The following FBP2 variants were observed in gnomAD, a reference collection of about 807,000 sequenced individuals.
FBP2 encodes the protein fructose-1,6-bisphosphatase isozyme 2.
Under a neutral mutation model 31.6 loss-of-function variants are expected in FBP2, and 27 were observed. The observed-to-expected ratio is 0.85, with a 90% CI of 0.63 to 1.18. The LOEUF is 1.18. FBP2 is among the 50% of genes most tolerant of loss of function. The pLI is 0.00. For missense variants in FBP2, 421 were observed against 436.1 expected (o/e 0.97, Z 0.31); for synonymous variants, 168 against 179.8 (o/e 0.93, Z 0.53).
At chr9:94,586,192 T>A (rs1015620623) in intron 2 of FBP2, among the ~76,000 whole-genome samples, 8 of 151,994 alleles carry the variant, frequency 5.3e-5, no homozygotes, top group Admixed American at 2.0e-4. Flanking sequence ...CTGGCCAACA[T>A]GGCGAAACCC....
chr9:94,564,288 A>G (rs1213031905), intron 5 of FBP2, among the ~76,000 whole-genome samples: 5 of 152,160 alleles, frequency 3.3e-5, no homozygotes, highest in Non-Finnish European at 7.4e-5. Flanking sequence ...CCACTCTCCA[A>G]CCACGGCCAT....
chr9:94,576,942 A>T (rs1288130273), intron 3 of FBP2, among the ~76,000 whole-genome samples: 1 of 151,598 alleles, frequency 6.6e-6, no homozygotes, highest in Admixed American at 6.6e-5. Flanking sequence ...TTGGGACTCT[A>T]CTCAGCCCTC....
chr9:94,592,612 G>A (rs963937433), intron 1 of FBP2, among the ~76,000 whole-genome samples: 2 of 152,152 alleles, frequency 1.3e-5, no homozygotes, highest in African/African-American at 2.4e-5. Context: ...TCGACTCACC[G>A]CAACCTCCAT....
chr9:94,564,842 A>G (rs985358612), intron 5 of FBP2, among the ~76,000 whole-genome samples: 1 of 152,220 alleles, frequency 6.6e-6, no homozygotes. Flanking sequence ...TTACACCTGC[A>G]TCATAGGAAT....
At chr9:94,570,802 C>CCA (rs1827260443) in intron 4 of FBP2, 1 of 152,206 alleles carries the variant, frequency 6.6e-6, no homozygotes, top group Non-Finnish European at 1.5e-5. Context: ...ACCCCTCTCT[C>CCA]CACACATGTG....
chr9:94,576,261 C>A (rs1381074091), intron 3 of FBP2, among the ~76,000 whole-genome samples: 5 of 152,220 alleles, frequency 3.3e-5, no homozygotes. Flanking sequence ...AAGTTTTCCT[C>A]TTTTAAACCC....
chr9:94,568,655 G>A (rs1295037377), intron 4 of FBP2: 2 of 152,198 alleles, frequency 1.3e-5, no homozygotes, highest in African/African-American at 4.8e-5. Context: ...ACTCCACATA[G>A]CAGAGGTGTT....
intron 6 of FBP2, among the ~76,000 whole-genome samples, chr9:94,560,176 C>T (rs913058594): frequency 1.3e-5 from 2 of 152,092 alleles, no homozygotes; most frequent in African/African-American, 4.8e-5. Flanking sequence ...ACGAGGGGTC[C>T]CAGCCGAGGG....
chr9:94,587,763 G>A (rs1471833084), intron 1 of FBP2, among the ~76,000 whole-genome samples: 2 of 152,136 alleles, frequency 1.3e-5, no homozygotes, highest in Non-Finnish European at 2.9e-5. Context: ...GCAGATGGGG[G>A]GACTCATCAA....
intron 6 of FBP2, among the ~76,000 whole-genome samples, chr9:94,561,140 A>T (rs921209096): frequency 2.6e-5 from 4 of 152,168 alleles, no homozygotes; most frequent in Non-Finnish European, 5.9e-5. Context: ...GATTTGGGGT[A>T]TCAGATAATA....
chr9:94,569,525 A>G (rs1320694596), intron 4 of FBP2: 1 of 152,284 alleles, frequency 6.6e-6, no homozygotes, highest in East Asian at 1.9e-4. Flanking sequence ...CCTTACGTTG[A>G]TCCACTCCTG....
chr9:94,560,828 G>T (rs563588229), intron 6 of FBP2, among the ~76,000 whole-genome samples: 2 of 150,514 alleles, frequency 1.3e-5, no homozygotes, highest in Non-Finnish European at 3.0e-5. Context: ...TGATGCCTTT[G>T]GTCTAGGCTG....
chr9:94,591,466 C>G (rs889495533), intron 1 of FBP2, among the ~76,000 whole-genome samples: 1 of 151,750 alleles, frequency 6.6e-6, no homozygotes, highest in African/African-American at 2.4e-5. Context: ...CACGCCCACC[C>G]GGAACTCCAG....
chr9:94,573,772 G>T (rs1827291650), intron 3 of FBP2, among the ~76,000 whole-genome samples: 5 of 152,124 alleles, frequency 3.3e-5, no homozygotes, highest in Admixed American at 3.3e-4. Context: ...AAGGAATATT[G>T]GTCTGTGGTA....
At chr9:94,571,730 G>A in intron 3 of FBP2, 128 bp from the exon 4 acceptor site, 1 of 830,674 alleles carries the variant, frequency 1.2e-6, no homozygotes. Context: ...TTAAGCTGCT[G>A]CAAATCCATC....
chr9:94,582,351 C>T (rs62578750), intron 3 of FBP2, among the ~76,000 whole-genome samples: 94 of 147,850 alleles, frequency 6.4e-4, no homozygotes, highest in Middle Eastern at 3.4e-3. Flanking sequence ...TGTGTGTGTG[C>T]GTGTGTGTGT....
intron 3 of FBP2, 118 bp downstream of exon 3, chr9:94,584,459 G>A (rs1827404429): frequency 4.4e-6 from 3 of 680,154 alleles, no homozygotes; most frequent in Non-Finnish European, 8.0e-6. Context: ...TGCCTACAGT[G>A]GCTTTTCTCG....
chr9:94,572,468 C>T (rs1324020022), intron 3 of FBP2, among the ~76,000 whole-genome samples: 8 of 152,146 alleles, frequency 5.3e-5, no homozygotes, highest in African/African-American at 1.4e-4. Context: ...TTTGTAAACC[C>T]GAATGTTCTT....
chr9:94,559,517 G>C (rs1189939827), intron 6 of FBP2, among the ~76,000 whole-genome samples: 1 of 149,634 alleles, frequency 6.7e-6, no homozygotes, highest in East Asian at 1.9e-4. Flanking sequence ...CCTCAAGGCT[G>C]GTAAAGAGTC....
Sources: gnomAD v4.1 joint callset for allele counts (sites outside exome capture counted in the v4.1 genomes callset) on GRCh38, gnomAD v4.1.1 for gene constraint, MANE v1.5 for transcripts, NCBI Gene and HGNC (gene_info 2026-07-23, HGNC 2026-07-21) for gene names.